NELL1: variants seen among roughly 807,000 people sequenced by gnomAD.
The protein encoded by NELL1 is protein kinase C-binding protein NELL1.
A neutral mutation model predicts 107.4 loss-of-function variants in NELL1; 76 were observed. The observed-to-expected ratio is 0.71, with a 90% CI of 0.59 to 0.86. The LOEUF (loss-of-function observed/expected upper bound fraction) is 0.86. NELL1 is among the 40% of genes least tolerant of loss of function. The pLI is 0.00. For synonymous variants in NELL1, 353 were observed against 341.2 expected (o/e 1.03, Z -0.38); for missense variants, 1,024 against 1,005.5 (o/e 1.02, Z -0.25).
At chr11:21,182,115 G>A (rs75292308) in intron 13 of NELL1, among the ~76,000 whole-genome samples, 1 of 151,734 alleles carries the variant, frequency 6.6e-6, no homozygotes, top group Non-Finnish European at 1.5e-5. Context: ...TCTAGCAGAC[G>A]CCAGCCAGAG....
intron 13 of NELL1, among the ~76,000 whole-genome samples, chr11:21,133,695 G>T (rs1450884420): frequency 6.6e-6 from 1 of 151,174 alleles, no homozygotes; most frequent in South Asian, 2.1e-4. Flanking sequence ...CAGGACTCGG[G>T]AGCAGGGGTG....
intron 13 of NELL1, among the ~76,000 whole-genome samples, chr11:21,124,501 T>C (rs1250904648): frequency 6.6e-6 from 1 of 152,086 alleles, no homozygotes; most frequent in Non-Finnish European, 1.5e-5. Flanking sequence ...GGGTAGCTTA[T>C]AAACAATAGG....
intron 15 of NELL1, among the ~76,000 whole-genome samples, chr11:21,527,633 T>C (rs1312791364): frequency 1.3e-5 from 2 of 152,124 alleles, no homozygotes; most frequent in Non-Finnish European, 2.9e-5. Flanking sequence ...ATCTGCAAAC[T>C]GAGGAGCCAA....
At chr11:21,388,818 A>T (rs905295598) in intron 15 of NELL1, among the ~76,000 whole-genome samples, 2 of 151,852 alleles carry the variant, frequency 1.3e-5, no homozygotes, top group Non-Finnish European at 2.9e-5. Context: ...ACCCAGAGGG[A>T]AATAACATTT....
At chr11:20,983,781 A>G (rs1014873818) in intron 12 of NELL1, among the ~76,000 whole-genome samples, 1 of 146,734 alleles carries the variant, frequency 6.8e-6, no homozygotes, top group African/African-American at 2.6e-5. Context: ...ACACAGAGTA[A>G]TCTTTCACAA....
rs78391632 is a variant in NELL1 at position 21,391,538 on chromosome 11, T to A, written c.1645+20590T>A. Among the ~76,000 whole-genome samples, 815 of 151,936 alleles carry A rather than the reference T, an allele frequency of 5.4e-3. 6 individuals are homozygous for A. Among genetic ancestry groups the A allele is most frequent in the African/African-American group, 0.016 (661 of 41,520 alleles). On this transcript the variant is annotated intron_variant, in intron 15 of 19. Transcript: ENST00000357134. ...TCTGCCTTACTTTTCATATTTTTCT[T>A]TTTATTATTATTTTTTTCTTTTTGT... is the stretch of plus-strand genomic sequence containing the variant.
chr11:20,869,019 T>G (rs2134084789), intron 4 of NELL1, among the ~76,000 whole-genome samples: 1 of 152,296 alleles, frequency 6.6e-6, no homozygotes, highest in Admixed American at 6.5e-5. Context: ...TAGGAAGGTG[T>G]CTGGAACCAA....
chr11:21,547,513 G>A (rs1010564690), intron 16 of NELL1, among the ~76,000 whole-genome samples: 9 of 151,860 alleles, frequency 5.9e-5, no homozygotes, highest in African/African-American at 2.2e-4. Context: ...TAATATCAGT[G>A]TTATATAATA....
intron 15 of NELL1, among the ~76,000 whole-genome samples, chr11:21,461,006 A>G (rs1853887483): frequency 6.6e-6 from 1 of 152,096 alleles, no homozygotes; most frequent in African/African-American, 2.4e-5. Flanking sequence ...AATTTACTAG[A>G]GTCATTGGTA....
At chr11:20,852,112 G>C (rs538324344) in intron 4 of NELL1, among the ~76,000 whole-genome samples, 14 of 152,274 alleles carry the variant, frequency 9.2e-5, no homozygotes, top group African/African-American at 3.1e-4. Context: ...CTCATTGCTG[G>C]AAAAATTCAG....
intron 2 of NELL1, among the ~76,000 whole-genome samples, chr11:20,733,687 G>A (rs1356662478): frequency 2.0e-5 from 3 of 152,114 alleles, no homozygotes; most frequent in Non-Finnish European, 2.9e-5. Context: ...CCTTATGAAG[G>A]TTGCATAAAA....
intron 5 of NELL1, among the ~76,000 whole-genome samples, chr11:20,893,871 A>AAG (rs1849670955): frequency 6.6e-6 from 1 of 151,042 alleles, no homozygotes; most frequent in Non-Finnish European, 1.5e-5. Flanking sequence ...AAAAAAAAAA[A>AAG]GAAAAATAGG....
chr11:21,143,307 A>G (rs1289281961), intron 13 of NELL1, among the ~76,000 whole-genome samples: 1 of 152,178 alleles, frequency 6.6e-6, no homozygotes, highest in African/African-American at 2.4e-5. Context: ...TTTGCTTGGG[A>G]CAATAATAAG....
chr11:21,461,538 G>A (rs1017790896), intron 15 of NELL1, among the ~76,000 whole-genome samples: 3 of 151,970 alleles, frequency 2.0e-5, no homozygotes, highest in Admixed American at 6.6e-5. Context: ...ATTGTTGGTC[G>A]GTCAGAATTA....
chr11:20,892,699 G>A (rs1275077829), intron 5 of NELL1, among the ~76,000 whole-genome samples: 1 of 152,214 alleles, frequency 6.6e-6, no homozygotes, highest in African/African-American at 2.4e-5. Context: ...GGGAGGCCGA[G>A]GTGGGTGGAT....
intron 16 of NELL1, among the ~76,000 whole-genome samples, chr11:21,552,276 T>G (rs1391223140): frequency 6.6e-6 from 1 of 151,750 alleles, no homozygotes; most frequent in Non-Finnish European, 1.5e-5. Context: ...ACCCTAAAAC[T>G]TAAAGTATAA....
At chr11:20,671,716 A>G (rs1019998384) in intron 1 of NELL1, among the ~76,000 whole-genome samples, 1 of 152,064 alleles carries the variant, frequency 6.6e-6, no homozygotes. Flanking sequence ...TAGGAACTTA[A>G]AGCTCAGCTG....
chr11:20,691,859 G>A (rs1318386976), intron 2 of NELL1, among the ~76,000 whole-genome samples: 1 of 152,126 alleles, frequency 6.6e-6, no homozygotes, highest in Non-Finnish European at 1.5e-5. Flanking sequence ...AGAAGGAATG[G>A]TACCAGTTCC....
chr11:20,988,574 T>C (rs1345922791), intron 12 of NELL1, among the ~76,000 whole-genome samples: 2 of 151,482 alleles, frequency 1.3e-5, no homozygotes, highest in Non-Finnish European at 2.9e-5. Flanking sequence ...TCTTACTGGG[T>C]TGTCAGGACA....
Sources: gnomAD v4.1 joint callset for allele counts (sites outside exome capture counted in the v4.1 genomes callset) on GRCh38, gnomAD v4.1.1 for gene constraint, MANE v1.5 for transcripts, NCBI Gene and HGNC (gene_info 2026-07-23, HGNC 2026-07-21) for gene names.